Variants in MAP4K4 observed in about 807,000 individuals in gnomAD.
MAP4K4 encodes the protein mitogen-activated protein kinase kinase kinase kinase 4.
Under a neutral mutation model 189.6 loss-of-function variants are expected in MAP4K4, and 38 were observed. The observed-to-expected ratio is 0.20, with a 90% confidence interval of 0.15 to 0.26. The LOEUF is 0.26. Ranked by LOEUF, MAP4K4 falls within the 10% of genes least tolerant of loss-of-function variation. The pLI, the probability that MAP4K4 is intolerant of heterozygous loss-of-function variation, is 1.00. For synonymous variants in MAP4K4, 610 were observed against 624.3 expected (o/e 0.98, Z 0.34); for missense variants, 1,054 against 1,726.9 (o/e 0.61, Z 6.91).
chr2:101,790,324 A>G (rs2092645361), intron 2 of MAP4K4, among the ~76,000 whole-genome samples: 1 of 152,186 alleles, frequency 6.6e-6, no homozygotes, highest in South Asian at 2.1e-4. Flanking sequence ...CATGATTTGT[A>G]GAAAAAAAAA....
intron 7 of MAP4K4, 31 bp downstream of exon 7, chr2:101,831,882 A>G (rs1316922295): frequency 6.2e-7 from 1 of 1,608,968 alleles, no homozygotes; most frequent in Non-Finnish European, 8.5e-7. Context: ...AGGCCTTTGC[A>G]GGGCCACTGG....
At chr2:101,724,839 A>G (rs1406354573) in intron 2 of MAP4K4, among the ~76,000 whole-genome samples, 1 of 152,244 alleles carries the variant, frequency 6.6e-6, no homozygotes, top group Non-Finnish European at 1.5e-5. Flanking sequence ...AGTTATGTGC[A>G]CATAAGGATG....
intron 2 of MAP4K4, among the ~76,000 whole-genome samples, chr2:101,785,218 C>G (rs2090024708): frequency 6.6e-6 from 1 of 152,148 alleles, no homozygotes; most frequent in Non-Finnish European, 1.5e-5. Context: ...TATTCTTAGG[C>G]TGTATGAGTA....
At chr2:101,858,404 C>G (rs1183845994) in intron 13 of MAP4K4, among the ~76,000 whole-genome samples, 1 of 152,218 alleles carries the variant, frequency 6.6e-6, no homozygotes, top group African/African-American at 2.4e-5. Flanking sequence ...TTGTCTGTCT[C>G]TGTCTGTCAC....
chr2:101,747,749 C>T (rs1043235819), intron 2 of MAP4K4, among the ~76,000 whole-genome samples: 2 of 152,088 alleles, frequency 1.3e-5, no homozygotes, highest in South Asian at 2.1e-4. Context: ...AAAAATTAAC[C>T]AGCAAACAAA....
chr2:101,797,248 C>T, intron 3 of MAP4K4: 2 of 1,290,596 alleles, frequency 1.5e-6, no homozygotes, highest in Non-Finnish European at 2.0e-6. Context: ...TCTGTTATTC[C>T]TCAGAGGCCA....
At chr2:101,866,306 G>T (rs936782949) in intron 18 of MAP4K4, 122 bp from the exon 19 acceptor site, 4 of 783,320 alleles carry the variant, frequency 5.1e-6, no homozygotes, top group Non-Finnish European at 8.0e-6. Flanking sequence ...GCTGTTTATA[G>T]ACTGTTTTTT....
intron 9 of MAP4K4, among the ~76,000 whole-genome samples, chr2:101,837,149 G>T: frequency 7.2e-6 from 1 of 138,934 alleles, no homozygotes. Flanking sequence ...AATTGATGCT[G>T]CCTCCTCTTA....
intron 13 of MAP4K4, 25 bp downstream of exon 13, chr2:101,856,163 G>GCATAA: frequency 6.5e-7 from 1 of 1,543,524 alleles, no homozygotes; most frequent in South Asian, 1.2e-5. Context: ...AACATAGCAG[G>GCATAA]CATACACTTG....
At chr2:101,828,612 A>G (rs2096467446) in intron 5 of MAP4K4, among the ~76,000 whole-genome samples, 1 of 152,260 alleles carries the variant, frequency 6.6e-6, no homozygotes, top group African/African-American at 2.4e-5. Context: ...TTACAAAGTA[A>G]TGATAACAAT....
intron 7 of MAP4K4, among the ~76,000 whole-genome samples, chr2:101,833,560 C>T (rs1380657978): frequency 2.0e-5 from 3 of 148,814 alleles, no homozygotes; most frequent in Non-Finnish European, 3.0e-5. Flanking sequence ...GTGGAGCTTG[C>T]GGTGAGCTGA....
At chr2:101,880,663 C>G (rs775955996) in intron 27 of MAP4K4, among the ~76,000 whole-genome samples, 1 of 152,064 alleles carries the variant, frequency 6.6e-6, no homozygotes, top group African/African-American at 2.4e-5. Flanking sequence ...CATGTGCCAC[C>G]ATGCCTGGCT....
At chr2:101,704,020 AAAAAT>A (rs1290599684) in intron 2 of MAP4K4, among the ~76,000 whole-genome samples, 2 of 152,180 alleles carry the variant, frequency 1.3e-5, no homozygotes, top group African/African-American at 2.4e-5. Flanking sequence ...TCCAAAAAGA[AAAAAT>A]AAAATAAAAA....
At chr2:101,725,244 A>G (rs2149492570) in intron 2 of MAP4K4, among the ~76,000 whole-genome samples, 1 of 152,320 alleles carries the variant, frequency 6.6e-6, no homozygotes, top group Non-Finnish European at 1.5e-5. Flanking sequence ...CAGTACAAGG[A>G]AGAGGTGTGG....
chr2:101,841,540 C>T (rs942503102), intron 10 of MAP4K4, among the ~76,000 whole-genome samples: 6 of 151,648 alleles, frequency 4.0e-5, no homozygotes, highest in Non-Finnish European at 8.8e-5. Context: ...GCGTTCTTGG[C>T]TCACTGCAGC....
chr2:101,708,936 TG>T (rs2043917933), intron 2 of MAP4K4, among the ~76,000 whole-genome samples: 1 of 152,246 alleles, frequency 6.6e-6, no homozygotes, highest in Non-Finnish European at 1.5e-5. Flanking sequence ...TTTTTATTGC[TG>T]AATTTTAGGC....
At chr2:101,731,043 CA>C (rs1007035641) in intron 2 of MAP4K4, among the ~76,000 whole-genome samples, 7 of 138,842 alleles carry the variant, frequency 5.0e-5, no homozygotes, top group Admixed American at 7.1e-5. Flanking sequence ...GAGACTGTCT[CA>C]AAAAAAAAAC....
At chr2:101,856,792 T>C (rs1179181463) in intron 13 of MAP4K4, among the ~76,000 whole-genome samples, 5 of 152,344 alleles carry the variant, frequency 3.3e-5, no homozygotes, top group Non-Finnish European at 7.4e-5. Flanking sequence ...GATCTCTTTG[T>C]TATGAGCTTG....
intron 2 of MAP4K4, among the ~76,000 whole-genome samples, chr2:101,718,113 G>A (rs189027048): frequency 2.8e-4 from 42 of 152,140 alleles, no homozygotes; most frequent in Admixed American, 4.6e-4. Context: ...AAAATTAGCC[G>A]GGCATGATGG....
Sources: allele counts gnomAD v4.1 joint callset (sites outside exome capture counted in the v4.1 genomes callset), GRCh38; gene constraint gnomAD v4.1.1; transcripts MANE v1.5; gene names NCBI Gene and HGNC (gene_info 2026-07-23, HGNC 2026-07-21).